Variants in COL14A1 observed in about 807,000 individuals in gnomAD.
COL14A1 encodes the protein collagen alpha-1(XIV) chain.
In COL14A1, 136 loss-of-function variants were observed where a neutral mutation model predicts 230.3. That is an observed-to-expected ratio of 0.59 (90% CI 0.51 to 0.68). The LOEUF (loss-of-function observed/expected upper bound fraction) is 0.68. COL14A1 is among the 30% of genes least tolerant of loss of function. COL14A1 has a pLI of 0.00. For synonymous variants in COL14A1, 792 were observed against 784.1 expected, an observed-to-expected ratio of 1.01 and a Z score of -0.17; for missense variants, 1,976 against 2,215.8, an observed-to-expected ratio of 0.89 and a Z score of 2.17.
At chr8:120,230,093 G>A (rs1474579066) in intron 18 of COL14A1, among the ~76,000 whole-genome samples, 3 of 152,054 alleles carry the variant, frequency 2.0e-5, no homozygotes, top group African/African-American at 7.2e-5. Flanking sequence ...TATTACCCAG[G>A]CTGGTCTTTA....
At chr8:120,129,732 G>A (rs936003764) in intron 1 of COL14A1, among the ~76,000 whole-genome samples, 15 of 152,188 alleles carry the variant, frequency 9.9e-5, no homozygotes, top group Non-Finnish European at 2.9e-5. Flanking sequence ...CACACAACTT[G>A]GGAGCAGAGT....
At chr8:120,324,562 G>A (rs943293039) in intron 40 of COL14A1, among the ~76,000 whole-genome samples, 3 of 152,088 alleles carry the variant, frequency 2.0e-5, no homozygotes, top group African/African-American at 7.2e-5. Context: ...CCATGCCACA[G>A]GGTTGAAATT....
At chr8:120,233,016 A>G (rs903136053) in intron 19 of COL14A1, among the ~76,000 whole-genome samples, 3 of 152,132 alleles carry the variant, frequency 2.0e-5, no homozygotes, top group African/African-American at 7.2e-5. Flanking sequence ...CTAATGACCA[A>G]CGATGATGAG....
In COL14A1 at chr8:120,297,507, A is replaced by G; in HGVS notation, c.4237-4A>G. ...TGAATGACAATTTTCTTTTTAAATC[A>G]TAGTTCCAGTTACAGATGTTTGATA... On this transcript the variant is annotated splice_region_variant and splice_polypyrimidine_tract_variant and intron_variant, in intron 34 of 47. Transcript: ENST00000297848. 7.0e-7 allele frequency: 1 copy of G among 1,431,880 alleles called. No homozygotes were observed. The highest frequency in any genetic ancestry group is 9.2e-7 in the Non-Finnish European group (1 of 1,090,852). The allele number at this position is 1,431,880 out of a possible 1,614,324, so 88.7% of individuals were successfully genotyped here.
intron 1 of COL14A1, among the ~76,000 whole-genome samples, chr8:120,130,845 G>C (rs1446651527): frequency 6.6e-6 from 1 of 152,118 alleles, no homozygotes; most frequent in East Asian, 1.9e-4. Context: ...GTACCCAAAA[G>C]GTAGTTCTTC....
chr8:120,162,403 T>G, intron 3 of COL14A1, 23 bp from the exon 4 acceptor site: 1 of 1,580,152 alleles, frequency 6.3e-7, no homozygotes, highest in Middle Eastern at 1.8e-4. Context: ...TTAGAACTGA[T>G]TTATTTTTCT....
At chr8:120,226,397 A>G (rs1818095300) in intron 15 of COL14A1, among the ~76,000 whole-genome samples, 1 of 152,160 alleles carries the variant, frequency 6.6e-6, no homozygotes, top group Non-Finnish European at 1.5e-5. Flanking sequence ...TTACTGGAAA[A>G]GTTTTAAGAT....
At chr8:120,310,138 A>C in intron 37 of COL14A1, 76 bp downstream of exon 37, 1 of 1,470,262 alleles carries the variant, frequency 6.8e-7, no homozygotes, top group Non-Finnish European at 9.4e-7. Flanking sequence ...TTTGGAGCTA[A>C]ATGTGACTTA....
intron 7 of COL14A1, 79 bp from the exon 8 acceptor site, chr8:120,199,323 T>A: frequency 1.8e-5 from 24 of 1,312,456 alleles, no homozygotes; most frequent in Middle Eastern, 4.2e-4. Context: ...AGGTTACCCA[T>A]CTTGTGGTTA....
intron 6 of COL14A1, 98 bp from the exon 7 acceptor site, chr8:120,197,713 C>G: frequency 7.4e-7 from 1 of 1,354,300 alleles, no homozygotes; most frequent in Non-Finnish European, 9.9e-7. Flanking sequence ...AAAATTTTTG[C>G]AAAGATGAGG....
intron 5 of COL14A1, among the ~76,000 whole-genome samples, chr8:120,185,210 G>C (rs1279870496): frequency 2.6e-5 from 4 of 152,170 alleles, no homozygotes; most frequent in Admixed American, 2.6e-4. Context: ...GCTGAAATGA[G>C]CCCCTTGCTG....
chr8:120,202,987 CAA>C (rs1491291940), intron 8 of COL14A1, among the ~76,000 whole-genome samples: 21 of 41,342 alleles, frequency 5.1e-4, no homozygotes, highest in Admixed American at 1.7e-3. Flanking sequence ...ATAATAATTT[CAA>C]ATATATATAT....
chr8:120,370,542 C>T (rs1375656182), intron 47 of COL14A1: 14 of 1,470,828 alleles, frequency 9.5e-6, no homozygotes, highest in African/African-American at 1.4e-5. Flanking sequence ...CACTCTGCTC[C>T]AAACATGATG....
At chr8:120,201,723 T>C (rs528343165) in intron 8 of COL14A1, among the ~76,000 whole-genome samples, 1 of 152,308 alleles carries the variant, frequency 6.6e-6, no homozygotes, top group East Asian at 1.9e-4. Flanking sequence ...ATGTGGCTTA[T>C]AGAATGCTTG....
chr8:120,293,559 T>C (rs546069334), intron 34 of COL14A1, among the ~76,000 whole-genome samples: 1 of 151,944 alleles, frequency 6.6e-6, no homozygotes, highest in South Asian at 2.1e-4. Context: ...ACTGAGACTT[T>C]AAGAAGCTAG....
At position 120,370,328 on chromosome 8, in the gene COL14A1, T is replaced by A. The variant is rs756152926; in HGVS notation, c.5312-824T>A. ...CCTGTTCTCTCAAATACTCCTATCC[T>A]TATTAAGATCTGATCCCCTACAATG... On this transcript the variant is annotated intron_variant, in intron 47 of 47. Transcript: ENST00000297848. The A allele has an allele frequency of 1.9e-6, 3 of 1,611,362 alleles. No individual in the cohort carries two copies. The African/African-American group carries it at 4.0e-5, about 22-fold the overall frequency.
intron 44 of COL14A1, among the ~76,000 whole-genome samples, chr8:120,342,952 G>C (rs1054068627): frequency 6.6e-6 from 1 of 152,140 alleles, no homozygotes; most frequent in Non-Finnish European, 1.5e-5. Context: ...AGATGTTTAT[G>C]AAAATACAAA....
intron 19 of COL14A1, among the ~76,000 whole-genome samples, chr8:120,239,896 G>A (rs551194734): frequency 6.6e-6 from 1 of 151,182 alleles, no homozygotes; most frequent in South Asian, 2.1e-4. Flanking sequence ...AAGCTTCTTA[G>A]TGAATTATTC....
intron 14 of COL14A1, among the ~76,000 whole-genome samples, 184 bp from the exon 15 acceptor site, chr8:120,224,904 A>G (rs1202094700): frequency 6.6e-6 from 1 of 152,248 alleles, no homozygotes; most frequent in East Asian, 1.9e-4. Context: ...CTGAGAATTC[A>G]CTGATGGGTA....
Sources: gnomAD v4.1 joint callset for allele counts (sites outside exome capture counted in the v4.1 genomes callset) on GRCh38, gnomAD v4.1.1 for gene constraint, MANE v1.5 for transcripts, NCBI Gene and HGNC (gene_info 2026-07-23, HGNC 2026-07-21) for gene names.